Variants in SPACDR observed in about 807,000 individuals in gnomAD.
SPACDR encodes uncharacterized protein C7orf61.
the SPACDR span, chr7:100,456,760 G>T: frequency 6.2e-7 from 1 of 1,607,870 alleles, no homozygotes; most frequent in East Asian, 2.2e-5. Flanking sequence ...CCCTAGAGGG[G>T]ACTTTGGGCA....
chr7:100,457,857 A>ATT, the SPACDR span, among the ~76,000 whole-genome samples: 45 of 88,324 alleles, frequency 5.1e-4, no homozygotes, highest in East Asian at 2.5e-3. Context: ...ATATATATAT[A>ATT]TTTTTTTTTT....
At chr7:100,463,047 T>C in the SPACDR span, among the ~76,000 whole-genome samples, 3 of 146,660 alleles carry the variant, frequency 2.0e-5, no homozygotes, top group Admixed American at 1.4e-4. Flanking sequence ...GAGGTTGCAG[T>C]GAGCCGAGAT....
At chr7:100,456,802 G>C in the SPACDR span, 1 of 1,612,848 alleles carries the variant, frequency 6.2e-7, no homozygotes, top group Non-Finnish European at 8.5e-7. Context: ...GGGTTGGGTC[G>C]GGGGGCAGCA....
At chr7:100,457,551 TC>T in the SPACDR span, among the ~76,000 whole-genome samples, 1 of 150,300 alleles carries the variant, frequency 6.7e-6, no homozygotes, top group Non-Finnish European at 1.5e-5. Context: ...ACTCCTGACC[TC>T]AAGTGATCAG....
the SPACDR span, among the ~76,000 whole-genome samples, chr7:100,461,003 G>A: frequency 6.6e-6 from 1 of 152,158 alleles, no homozygotes; most frequent in Non-Finnish European, 1.5e-5. Context: ...TGGCAACCCT[G>A]CCTTCTACCA....
At chr7:100,461,777 CAGG>C in the SPACDR span, among the ~76,000 whole-genome samples, 4 of 151,858 alleles carry the variant, frequency 2.6e-5, no homozygotes, top group African/African-American at 9.7e-5. Context: ...ATCACGAGGT[CAGG>C]AGATCAAGAC....
chr7:100,461,854 G>A, the SPACDR span, among the ~76,000 whole-genome samples: 3 of 151,804 alleles, frequency 2.0e-5, no homozygotes, highest in South Asian at 2.1e-4. Context: ...TTAGCTGGGC[G>A]TGGTGGCGGG....
At chr7:100,460,788 C>G in the SPACDR span, among the ~76,000 whole-genome samples, 1 of 151,618 alleles carries the variant, frequency 6.6e-6, no homozygotes, top group Non-Finnish European at 1.5e-5. Context: ...GGACTACAGG[C>G]ATGCATCATG....
chr7:100,460,545 A>G, the SPACDR span, among the ~76,000 whole-genome samples: 1 of 151,992 alleles, frequency 6.6e-6, no homozygotes, highest in Middle Eastern at 3.4e-3. Flanking sequence ...GAACAAGATC[A>G]TGCCACTGCA....
At chr7:100,458,881 C>T in the SPACDR span, among the ~76,000 whole-genome samples, 3 of 151,766 alleles carry the variant, frequency 2.0e-5, no homozygotes, top group African/African-American at 4.8e-5. Flanking sequence ...GAGCCGAGGT[C>T]GCACCACTTC....
the SPACDR span, chr7:100,463,904 C>T: frequency 3.9e-6 from 6 of 1,556,828 alleles, no homozygotes; most frequent in Non-Finnish European, 5.3e-6. Context: ...TAAGGGGCTG[C>T]TGCGACCCAT....
the SPACDR span, among the ~76,000 whole-genome samples, chr7:100,457,803 A>ATGTGTGTGTGTGTGTGTGTGTGTGTG: frequency 2.8e-4 from 20 of 72,584 alleles, no homozygotes; most frequent in East Asian, 1.9e-3. Context: ...ATATATATAT[A>ATGTGTGTGTGTGTGTGTGTGTGTGTG]TGTGTGTGTG....
chr7:100,463,306 AG>A, the SPACDR span: 2 of 1,350,436 alleles, frequency 1.5e-6, no homozygotes, highest in East Asian at 2.3e-5. Context: ...AATCAGAGGG[AG>A]GGGTGAGTCA....
chr7:100,463,509 C>T, the SPACDR span: 57 of 1,613,946 alleles, frequency 3.5e-5, no homozygotes, highest in African/African-American at 1.7e-4. Context: ...TTGGCCAACA[C>T]GCAGGGATCT....
the SPACDR span, chr7:100,464,000 C>T: frequency 8.1e-6 from 13 of 1,598,206 alleles, no homozygotes; most frequent in South Asian, 2.2e-5. Flanking sequence ...TCTAACCCAT[C>T]GGAAGAACTT....
chr7:100,462,341 G>A, the SPACDR span, among the ~76,000 whole-genome samples: 1 of 151,584 alleles, frequency 6.6e-6, no homozygotes, highest in African/African-American at 2.4e-5. Flanking sequence ...AGCCTCCTGA[G>A]TAGCTGGGAC....
At chr7:100,456,823 C>T in the SPACDR span, 74 of 1,613,132 alleles carry the variant, frequency 4.6e-5, no homozygotes, top group Non-Finnish European at 5.7e-5. Flanking sequence ...TGGCATCGGA[C>T]GTGGTGCCGT....
chr7:100,457,801 A>ATGTGTGTGTGCGTGTGTGTGTGTGTGTG, the SPACDR span, among the ~76,000 whole-genome samples: 1 of 74,380 alleles, frequency 1.3e-5, no homozygotes, highest in African/African-American at 5.9e-5. Flanking sequence ...TTATATATAT[A>ATGTGTGTGTGCGTGTGTGTGTGTGTGTG]TATGTGTGTG....
chr7:100,463,371 T>C, the SPACDR span: 1 of 1,592,194 alleles, frequency 6.3e-7, no homozygotes, highest in Non-Finnish European at 8.6e-7. Flanking sequence ...ACCTTCCAGC[T>C]GCACATCTGC....
Sources: allele counts gnomAD v4.1 joint callset (sites outside exome capture counted in the v4.1 genomes callset), GRCh38; gene constraint gnomAD v4.1.1; transcripts MANE v1.5; gene names NCBI Gene and HGNC (gene_info 2026-07-23, HGNC 2026-07-21).